The following PPARG variants were observed in gnomAD, a reference collection of about 807,000 sequenced individuals.
The protein encoded by PPARG is peroxisome proliferator-activated receptor gamma.
A neutral mutation model predicts 39.2 loss-of-function variants in PPARG; 17 were observed. The observed-to-expected ratio is 0.43, with a 90% confidence interval of 0.30 to 0.65. The LOEUF (loss-of-function observed/expected upper bound fraction) is 0.65, where lower values mean the gene tolerates loss of function less well. Among genes scored for constraint, PPARG ranks in the 30% least tolerant of loss-of-function variants. PPARG has a pLI of 0.13. For missense variants in PPARG, 406 were observed against 585.9 expected, an observed-to-expected ratio of 0.69 and a Z score of 3.17; for synonymous variants, 223 against 215.7, an observed-to-expected ratio of 1.03 and a Z score of -0.30.
chr3:12,430,409 C>G (rs1315825521), intron 7 of PPARG, among the ~76,000 whole-genome samples: 1 of 152,194 alleles, frequency 6.6e-6, no homozygotes, highest in Non-Finnish European at 1.5e-5. Context: ...TCAGAACTTA[C>G]AATACAAGAT....
At chr3:12,313,349 C>T (rs1459263086) in intron 2 of PPARG, among the ~76,000 whole-genome samples, 1 of 152,142 alleles carries the variant, frequency 6.6e-6, no homozygotes, top group Admixed American at 6.5e-5. Flanking sequence ...TCCCCAGTAG[C>T]AAACTAGATC....
At chr3:12,297,216 A>T (rs1484366297) in intron 1 of PPARG, among the ~76,000 whole-genome samples, 2 of 152,236 alleles carry the variant, frequency 1.3e-5, no homozygotes, top group Non-Finnish European at 2.9e-5. Context: ...TACAGTTATA[A>T]TGACAATTTA....
chr3:12,329,079 G>A (rs780005016), intron 2 of PPARG, among the ~76,000 whole-genome samples: 2 of 149,760 alleles, frequency 1.3e-5, no homozygotes, highest in Non-Finnish European at 3.0e-5. Context: ...CAAGAATTTT[G>A]TTGCAAGCCA....
At chr3:12,371,878 T>C (rs1276530258) in intron 2 of PPARG, 2 of 700,326 alleles carry the variant, frequency 2.9e-6, no homozygotes, top group Non-Finnish European at 5.3e-6. Context: ...TGTCTCTGGA[T>C]GTCGCTGTCA....
At chr3:12,359,738 C>T (rs950600878) in intron 2 of PPARG, among the ~76,000 whole-genome samples, 4 of 146,670 alleles carry the variant, frequency 2.7e-5, no homozygotes, top group Non-Finnish European at 6.0e-5. Context: ...GCAGTGGCGC[C>T]GTCTCAGCTC....
chr3:12,378,969 T>C (rs1166189860), intron 2 of PPARG, among the ~76,000 whole-genome samples: 1 of 152,092 alleles, frequency 6.6e-6, no homozygotes, highest in Non-Finnish European at 1.5e-5. Context: ...TTAAGTGTTT[T>C]GTTTGTTTTT....
At chr3:12,374,993 TCTTTC>T (rs1205179756) in intron 2 of PPARG, among the ~76,000 whole-genome samples, 1 of 152,240 alleles carries the variant, frequency 6.6e-6, no homozygotes, top group Non-Finnish European at 1.5e-5. Context: ...AACTTTTCCT[TCTTTC>T]CTTAACACAT....
chr3:12,303,519 G>C (rs189904134), intron 1 of PPARG, among the ~76,000 whole-genome samples: 53 of 152,226 alleles, frequency 3.5e-4, no homozygotes, highest in African/African-American at 1.2e-3. Flanking sequence ...ATGTTTTATG[G>C]CTCCTTTACA....
At chr3:12,335,043 T>G (rs375462690) in intron 2 of PPARG, among the ~76,000 whole-genome samples, 1 of 152,244 alleles carries the variant, frequency 6.6e-6, no homozygotes, top group Admixed American at 6.5e-5. Context: ...TAGAAATTAC[T>G]GTTAATTTTC....
intron 2 of PPARG, among the ~76,000 whole-genome samples, chr3:12,333,913 C>T (rs2047934918): frequency 6.6e-6 from 1 of 152,226 alleles, no homozygotes; most frequent in African/African-American, 2.4e-5. Flanking sequence ...TGTCCCCAGC[C>T]ATCCCATTTT....
At chr3:12,424,983 G>A (rs926085440) in intron 7 of PPARG, among the ~76,000 whole-genome samples, 1 of 152,158 alleles carries the variant, frequency 6.6e-6, no homozygotes, top group Non-Finnish European at 1.5e-5. Context: ...TTGAAGCAGC[G>A]CCACTCAATC....
intron 2 of PPARG, among the ~76,000 whole-genome samples, chr3:12,366,185 G>A (rs886281866): frequency 1.3e-5 from 2 of 152,004 alleles, no homozygotes; most frequent in Non-Finnish European, 2.9e-5. Context: ...GACATTATGA[G>A]GAAAATGTAA....
At chr3:12,366,330 G>C (rs924065180) in intron 2 of PPARG, among the ~76,000 whole-genome samples, 3 of 151,174 alleles carry the variant, frequency 2.0e-5, no homozygotes, top group Non-Finnish European at 4.4e-5. Context: ...AGGTCCAGGA[G>C]ATTTTTTTTT....
intron 1 of PPARG, among the ~76,000 whole-genome samples, chr3:12,293,709 C>G (rs1204728960): frequency 6.6e-6 from 1 of 152,104 alleles, no homozygotes; most frequent in East Asian, 1.9e-4. Context: ...TTCTTTCTGG[C>G]TCTATACTAA....
At chr3:12,397,690 G>A (rs944307857) in intron 5 of PPARG, among the ~76,000 whole-genome samples, 3 of 152,008 alleles carry the variant, frequency 2.0e-5, no homozygotes, top group African/African-American at 4.8e-5. Context: ...GATTACAGGC[G>A]TGAGCCACCG....
At chr3:12,352,901 A>G (rs918616366) in intron 2 of PPARG, among the ~76,000 whole-genome samples, 3 of 152,224 alleles carry the variant, frequency 2.0e-5, no homozygotes, top group Non-Finnish European at 4.4e-5. Context: ...AATTGTTGCT[A>G]TCTTTCTTCA....
At chr3:12,346,817 A>G (rs116822471) in intron 2 of PPARG, among the ~76,000 whole-genome samples, 3 of 151,312 alleles carry the variant, frequency 2.0e-5, no homozygotes, top group Non-Finnish European at 1.5e-5. Context: ...TTATTTTTTT[A>G]TAGAGGCAGG....
intron 1 of PPARG, among the ~76,000 whole-genome samples, chr3:12,309,779 C>T (rs1359601971): frequency 6.6e-6 from 1 of 152,044 alleles, no homozygotes; most frequent in Admixed American, 6.6e-5. Flanking sequence ...TGCCCTTGGC[C>T]TGCCTTATTA....
At chr3:12,306,532 T>C (rs1045937766) in intron 1 of PPARG, among the ~76,000 whole-genome samples, 3 of 152,162 alleles carry the variant, frequency 2.0e-5, no homozygotes, top group African/African-American at 7.2e-5. Context: ...GGAGCCTACT[T>C]TGCAAGTATT....
Sources: allele counts gnomAD v4.1 joint callset (sites outside exome capture counted in the v4.1 genomes callset), GRCh38; gene constraint gnomAD v4.1.1; transcripts MANE v1.5; gene names NCBI Gene and HGNC (gene_info 2026-07-23, HGNC 2026-07-21).